Variants in SPECC1 observed in about 807,000 individuals in gnomAD.
SPECC1 encodes sperm antigen with calponin homology and coiled-coil domains 1.
A neutral mutation model predicts 104.1 loss-of-function variants in SPECC1; 62 were observed. That is an observed-to-expected ratio of 0.60 (90% CI 0.49 to 0.74). The LOEUF is 0.74. SPECC1 is among the 30% of genes least tolerant of loss of function. SPECC1 has a pLI of 0.00. For missense variants in SPECC1, 1,306 were observed against 1,310.5 expected (o/e 1.00, Z 0.05); for synonymous variants, 513 against 501.6 (o/e 1.02, Z -0.30).
At chr17:20,046,973 A>G (rs2045564328) in intron 1 of SPECC1, among the ~76,000 whole-genome samples, 1 of 152,130 alleles carries the variant, frequency 6.6e-6, no homozygotes. Context: ...CCAGGGGACA[A>G]GACTGGGAGG....
At chr17:20,252,089 AAC>A (rs915476450) in intron 9 of SPECC1, among the ~76,000 whole-genome samples, 7 of 152,128 alleles carry the variant, frequency 4.6e-5, no homozygotes, top group African/African-American at 1.4e-4. Context: ...TTTTTAGAAA[AAC>A]AGAGGGTGTT....
At chr17:20,098,449 T>G (rs1433307569) in intron 2 of SPECC1, among the ~76,000 whole-genome samples, 2 of 152,190 alleles carry the variant, frequency 1.3e-5, no homozygotes, top group African/African-American at 4.8e-5. Flanking sequence ...CTGAGTCATG[T>G]CACTTCTCTG....
chr17:20,246,007 A>G lies in SPECC1; in HGVS notation c.2433A>G (p.Pro811=), dbSNP rs922005604. ...WPGVCVSRTS[P]TPPESATTVK... ...GTGTCTGTGTTAGCAGAACATCTCC[A>G]ACACCCCCAGAGTCGGCAACCACCG... Residue 811 remains proline, a synonymous_variant, in exon 8 of 15, where the codon CCA becomes CCG. Coordinates refer to ENST00000395527, the MANE Select transcript of SPECC1 (RefSeq NM_001243439.2). 1.9e-6 allele frequency: 3 copies of G among 1,614,036 alleles called. No homozygotes were observed. Among genetic ancestry groups the G allele is most frequent in the Non-Finnish European group, 2.5e-6 (3 of 1,180,026 alleles).
chr17:20,116,594 A>G (rs2048766717), intron 3 of SPECC1, among the ~76,000 whole-genome samples: 1 of 152,200 alleles, frequency 6.6e-6, no homozygotes, highest in South Asian at 2.1e-4. Flanking sequence ...AAGATTAAAT[A>G]GAATTAAGAT....
intron 3 of SPECC1, among the ~76,000 whole-genome samples, chr17:20,202,245 T>C (rs1230812368): frequency 6.6e-6 from 1 of 152,132 alleles, no homozygotes; most frequent in African/African-American, 2.4e-5. Flanking sequence ...TGGGGGTAGC[T>C]GCTTGGAAGG....
chr17:20,298,629 C>T (rs1024601673), intron 13 of SPECC1, among the ~76,000 whole-genome samples: 3 of 151,956 alleles, frequency 2.0e-5, no homozygotes, highest in African/African-American at 4.8e-5. Flanking sequence ...GCAACGCAGA[C>T]GGAAAGACAT....
rs189103946 is a variant in SPECC1 at position 20,117,654 on chromosome 17, C to G, written c.283+7092C>G. On this transcript the variant is annotated intron_variant, in intron 3 of 14. Transcript: ENST00000395527. ...TAAATAAATAAAAATTAGCTGGGTG[C>G]GTGCCTGTAGTCCCAGCTGCTTGGG... Among the ~76,000 whole-genome samples the G allele has an allele frequency of 1.7e-3, 244 of 142,948 alleles. 1 individual carries two copies. Among genetic ancestry groups the G allele is most frequent in the African/African-American group, 5.9e-3 (228 of 38,570 alleles). 93.8% of individuals were successfully genotyped at this position (142,948 alleles called of 152,430 possible). A position where few individuals can be genotyped will look rare whatever the true frequency, so the allele number is the denominator to read the frequency against.
At chr17:20,295,014 CTAT>C (rs34174703) in intron 12 of SPECC1, among the ~76,000 whole-genome samples, 16 of 149,280 alleles carry the variant, frequency 1.1e-4, no homozygotes, top group South Asian at 2.2e-4. Flanking sequence ...AGATTCCCAT[CTAT>C]TATTATTATT....
chr17:20,225,455 C>T (rs1262381249), intron 4 of SPECC1, among the ~76,000 whole-genome samples: 1 of 152,190 alleles, frequency 6.6e-6, no homozygotes, highest in Non-Finnish European at 1.5e-5. Context: ...TGGAAGATTC[C>T]CCTCTGGCTA....
At chr17:20,020,188 C>G (rs1027390548) in intron 1 of SPECC1, among the ~76,000 whole-genome samples, 10 of 152,178 alleles carry the variant, frequency 6.6e-5, no homozygotes, top group African/African-American at 2.4e-4. Context: ...CTGTCTGCAG[C>G]AGATGGTGTA....
chr17:20,071,402 G>A (rs1304556124), intron 1 of SPECC1, among the ~76,000 whole-genome samples: 1 of 148,432 alleles, frequency 6.7e-6, no homozygotes, highest in African/African-American at 2.5e-5. Flanking sequence ...GTGTGTGTGT[G>A]TAATTTTCTC....
chr17:20,261,852 GAA>G lies in SPECC1; in HGVS notation c.2940+1561_2940+1562del, dbSNP rs557882230. On this transcript the variant is annotated intron_variant, in intron 12 of 14. Coordinates refer to ENST00000395527, the MANE Select transcript of SPECC1 (RefSeq NM_001243439.2). Reference sequence around the variant, plus strand: ...ATAATTTCTTGAACTGTGAGGAAGTGAAAAGTCATGCAGTCACCACTCCCATC... The same window carrying G: ...ATAATTTCTTGAACTGTGAGGAAGTGAAGTCATGCAGTCACCACTCCCATC... Among the ~76,000 whole-genome samples the G allele has an allele frequency of 7.2e-5, 11 of 152,304 alleles. No homozygotes were observed. In the South Asian group the frequency reaches 2.3e-3, roughly 32 times the overall value.
intron 1 of SPECC1, among the ~76,000 whole-genome samples, chr17:20,013,242 T>A (rs2044001413): frequency 6.6e-6 from 1 of 152,206 alleles, no homozygotes; most frequent in Non-Finnish European, 1.5e-5. Context: ...TTGGATCAAG[T>A]AGTACTTCTA....
At chr17:20,094,895 T>C (rs2047571937) in intron 1 of SPECC1, among the ~76,000 whole-genome samples, 1 of 152,238 alleles carries the variant, frequency 6.6e-6, no homozygotes, top group Admixed American at 6.5e-5. Flanking sequence ...CCACTGTGCC[T>C]GGACTGTAAT....
chr17:20,181,060 G>C (rs2034849053), intron 3 of SPECC1, among the ~76,000 whole-genome samples: 1 of 152,120 alleles, frequency 6.6e-6, no homozygotes, highest in African/African-American at 2.4e-5. Flanking sequence ...AAGAGCCACT[G>C]TTGTAAAATA....
intron 5 of SPECC1, among the ~76,000 whole-genome samples, chr17:20,230,644 C>A (rs77754953): frequency 6.6e-6 from 1 of 152,158 alleles, no homozygotes; most frequent in African/African-American, 2.4e-5. Flanking sequence ...AGACACATGC[C>A]TGTGGTTATA....
intron 2 of SPECC1, among the ~76,000 whole-genome samples, chr17:20,102,035 T>G (rs1023881890): frequency 6.6e-6 from 1 of 152,248 alleles, no homozygotes; most frequent in African/African-American, 2.4e-5. Context: ...AAGCTGTTAA[T>G]GAAGATACTT....
intron 3 of SPECC1, among the ~76,000 whole-genome samples, chr17:20,122,095 G>T (rs950463738): frequency 8.5e-5 from 13 of 152,136 alleles, no homozygotes; most frequent in African/African-American, 3.1e-4. Context: ...ATGACGGCTG[G>T]CCCGTGTCCC....
At chr17:20,174,800 A>G (rs1047079620) in intron 3 of SPECC1, among the ~76,000 whole-genome samples, 1 of 151,964 alleles carries the variant, frequency 6.6e-6, no homozygotes, top group Non-Finnish European at 1.5e-5. Context: ...CTGACTCAGG[A>G]GGTCAGCGCC....
Sources: allele counts gnomAD v4.1 joint callset (sites outside exome capture counted in the v4.1 genomes callset), GRCh38; gene constraint gnomAD v4.1.1; transcripts MANE v1.5; gene names NCBI Gene and HGNC (gene_info 2026-07-23, HGNC 2026-07-21).